MRAP2: variants seen among roughly 807,000 people sequenced by gnomAD.
MRAP2 encodes melanocortin-2 receptor accessory protein 2.
MRAP2 carries 20 observed loss-of-function variants against 17.4 expected under a neutral mutation model. The ratio of observed to expected loss-of-function variants is 1.15; its 90% CI spans 0.81 to 1.67. MRAP2 has a LOEUF of 1.67. Ranked by LOEUF, MRAP2 falls within the 40% of genes most tolerant of loss-of-function variation. The probability of loss-of-function intolerance (pLI) is 0.00; values close to 1 mark genes in which losing one functional copy is unlikely to be tolerated. For synonymous variants in MRAP2, 96 were observed against 88.4 expected (o/e 1.09, Z -0.48); for missense variants, 238 against 240.0 (o/e 0.99, Z 0.05).
chr6:84,117,460 C>G, the MRAP2 span, among the ~76,000 whole-genome samples: 3 of 151,032 alleles, frequency 2.0e-5, no homozygotes, highest in Non-Finnish European at 4.4e-5. Context: ...ACCATCTCTT[C>G]TTTGTACCTC....
intron 1 of MRAP2, among the ~76,000 whole-genome samples, chr6:84,044,303 A>G (rs2099488409): frequency 1.3e-5 from 2 of 152,120 alleles, no homozygotes; most frequent in Non-Finnish European, 2.9e-5. Context: ...TCTCCTGCCT[A>G]AGCCTCCCAA....
chr6:84,096,399 C>T, the MRAP2 span, among the ~76,000 whole-genome samples: 2 of 151,932 alleles, frequency 1.3e-5, no homozygotes, highest in African/African-American at 2.4e-5. Flanking sequence ...CCAAAAACAC[C>T]TCATTAGATA....
chr6:84,143,922 T>C, the MRAP2 span, among the ~76,000 whole-genome samples: 1 of 152,164 alleles, frequency 6.6e-6, no homozygotes, highest in African/African-American at 2.4e-5. Flanking sequence ...ATCAGTTCTT[T>C]GATTACTTAG....
At chr6:84,113,701 A>G in the MRAP2 span, among the ~76,000 whole-genome samples, 2 of 152,134 alleles carry the variant, frequency 1.3e-5, no homozygotes, top group African/African-American at 2.4e-5. Context: ...ACAATTTGTT[A>G]TGTTTTTGCA....
the MRAP2 span, among the ~76,000 whole-genome samples, chr6:84,107,156 G>T: frequency 6.6e-6 from 1 of 152,022 alleles, no homozygotes; most frequent in African/African-American, 2.4e-5. Flanking sequence ...AGACCTGTTG[G>T]AGAGGCTTCT....
the MRAP2 span, among the ~76,000 whole-genome samples, chr6:84,105,362 C>T: frequency 1.3e-5 from 2 of 152,158 alleles, no homozygotes; most frequent in African/African-American, 4.8e-5. Context: ...ACAATCATGG[C>T]AGAAGGCAAG....
chr6:84,084,859 C>CTTTATTTTAT (rs766383974), intron 3 of MRAP2, among the ~76,000 whole-genome samples: 2,843 of 137,140 alleles, frequency 0.021, 65 homozygotes, highest in African/African-American at 0.043. Flanking sequence ...CATTTCATTT[C>CTTTATTTTAT]TTTATTTTAT....
At chr6:84,104,606 C>T in the MRAP2 span, among the ~76,000 whole-genome samples, 5 of 152,156 alleles carry the variant, frequency 3.3e-5, no homozygotes, top group African/African-American at 4.8e-5. Flanking sequence ...CAGTGGCTCA[C>T]GCCTGTAATC....
intron 3 of MRAP2, among the ~76,000 whole-genome samples, chr6:84,069,647 G>A (rs1025534582): frequency 5.9e-5 from 9 of 152,082 alleles, no homozygotes; most frequent in Admixed American, 1.3e-4. Context: ...TCTATCTTGT[G>A]GAATAGTGTC....
chr6:84,145,451 T>C, the MRAP2 span, among the ~76,000 whole-genome samples: 25 of 152,280 alleles, frequency 1.6e-4, no homozygotes, highest in African/African-American at 5.5e-4. Flanking sequence ...ATTTTTGCCA[T>C]TGGTCTTATT....
At chr6:84,094,204 G>T (rs774706114), downstream of MRAP2, among the ~76,000 whole-genome samples, 1 of 152,110 alleles carries the variant, frequency 6.6e-6, no homozygotes, top group African/African-American at 2.4e-5. Flanking sequence ...AGAGCCCCCC[G>T]TGTGATTTAA....
At chr6:84,036,464 T>C (rs2149587) in intron 1 of MRAP2, among the ~76,000 whole-genome samples, 28,338 of 152,036 alleles carry the variant, frequency 0.19, 6,472 homozygotes, top group African/African-American at 0.54. Flanking sequence ...TGGTGTGTTC[T>C]GAGTTTGCTC....
chr6:84,098,597 A>G, the MRAP2 span, among the ~76,000 whole-genome samples: 1 of 152,174 alleles, frequency 6.6e-6, no homozygotes, highest in Non-Finnish European at 1.5e-5. Context: ...GTGTATGTGA[A>G]TTCTGGTTGC....
At chr6:84,117,314 T>C in the MRAP2 span, among the ~76,000 whole-genome samples, 1 of 152,180 alleles carries the variant, frequency 6.6e-6, no homozygotes, top group African/African-American at 2.4e-5. Context: ...TGAACCACCA[T>C]GCCCAGCCTG....
the MRAP2 span, among the ~76,000 whole-genome samples, chr6:84,144,287 C>T: frequency 8.7e-4 from 132 of 151,966 alleles, 1 homozygote; most frequent in Admixed American, 7.7e-3. Context: ...TGTATGGATA[C>T]GTTATTAACA....
the MRAP2 span, among the ~76,000 whole-genome samples, chr6:84,134,919 T>TACACAC: frequency 3.7e-4 from 55 of 148,372 alleles, no homozygotes; most frequent in African/African-American, 9.2e-4. Context: ...AGATCATATA[T>TACACAC]ACACACACAC....
intron 3 of MRAP2, among the ~76,000 whole-genome samples, chr6:84,069,342 T>C (rs1253323977): frequency 6.6e-6 from 1 of 152,214 alleles, no homozygotes; most frequent in African/African-American, 2.4e-5. Flanking sequence ...TCTGCATCTA[T>C]TGAGATGATC....
At chr6:84,051,201 T>C (rs1207190270) in intron 1 of MRAP2, among the ~76,000 whole-genome samples, 1 of 152,248 alleles carries the variant, frequency 6.6e-6, no homozygotes, top group Non-Finnish European at 1.5e-5. Context: ...TGAGAAGTTC[T>C]ATGTCTGAGT....
At chr6:84,103,142 T>C in the MRAP2 span, among the ~76,000 whole-genome samples, 1 of 151,896 alleles carries the variant, frequency 6.6e-6, no homozygotes, top group Non-Finnish European at 1.5e-5. Flanking sequence ...GGCAGCTGAG[T>C]TTAATGAGGA....
Sources: allele counts gnomAD v4.1 joint callset (sites outside exome capture counted in the v4.1 genomes callset), GRCh38; gene constraint gnomAD v4.1.1; transcripts MANE v1.5; gene names NCBI Gene and HGNC (gene_info 2026-07-23, HGNC 2026-07-21).